Variants in SGK3 observed in about 807,000 individuals in gnomAD.
The protein encoded by SGK3 is serine/threonine-protein kinase Sgk3.
Under a neutral mutation model 68.5 loss-of-function variants are expected in SGK3, and 47 were observed. The ratio of observed to expected loss-of-function variants is 0.69; its 90% confidence interval spans 0.54 to 0.87. The LOEUF (loss-of-function observed/expected upper bound fraction) is 0.87, where lower values mean the gene tolerates loss of function less well. Ranked by LOEUF, SGK3 falls within the 40% of genes least tolerant of loss-of-function variation. The probability of loss-of-function intolerance (pLI) is 0.00; values close to 1 mark genes in which losing one functional copy is unlikely to be tolerated. For missense variants in SGK3, 479 were observed against 575.5 expected (o/e 0.83, Z 1.72); for synonymous variants, 181 against 189.1 (o/e 0.96, Z 0.35).
chr8:66,742,258 A>C (rs1183960305), intron 1 of SGK3, among the ~76,000 whole-genome samples: 1 of 152,052 alleles, frequency 6.6e-6, no homozygotes, highest in African/African-American at 2.4e-5. Context: ...CATTTTTTTT[A>C]TGAAGGTTTA....
At chr8:66,825,344 T>A (rs1343561669) in intron 6 of SGK3, among the ~76,000 whole-genome samples, 1 of 151,336 alleles carries the variant, frequency 6.6e-6, no homozygotes, top group Non-Finnish European at 1.5e-5. Context: ...TTTTTTTTTT[T>A]TTTTGAGACA....
rs552040440 is a variant in SGK3 at position 66,823,825 on chromosome 8, GTAT to G, written c.417+1373_417+1375del. Among the ~76,000 whole-genome samples, 163 of 152,184 alleles carry G rather than the reference GTAT, an allele frequency of 1.1e-3. No homozygotes were observed. The Middle Eastern group carries it at 0.017, about 16-fold the overall frequency. On this transcript the variant is annotated intron_variant, in intron 6 of 16. Transcript: ENST00000521198. ...GTAAATTGTAATAATTTAACTGTAA[GTAT>G]TATTATGTAGCAATTAAATTATTAT...
chr8:66,834,554 C>G (rs1319054930), intron 8 of SGK3, among the ~76,000 whole-genome samples: 1 of 151,980 alleles, frequency 6.6e-6, no homozygotes, highest in Non-Finnish European at 1.5e-5. Context: ...ATTTATTGAG[C>G]TGTAGTGATG....
At chr8:66,846,734 A>G (rs561391217) in intron 14 of SGK3, among the ~76,000 whole-genome samples, 2 of 152,330 alleles carry the variant, frequency 1.3e-5, no homozygotes, top group Admixed American at 1.3e-4. Context: ...GTACAGTCAT[A>G]ATATTATCTC....
intron 16 of SGK3, among the ~76,000 whole-genome samples, 185 bp from the exon 17 acceptor site, chr8:66,859,226 G>A (rs973832185): frequency 1.3e-5 from 2 of 152,090 alleles, no homozygotes; most frequent in Admixed American, 6.6e-5. Flanking sequence ...CCAGCTACTC[G>A]GGAGGGTGAG....
chr8:66,769,528 T>G (rs539017703), intron 1 of SGK3, among the ~76,000 whole-genome samples: 12 of 152,342 alleles, frequency 7.9e-5, no homozygotes, highest in Admixed American at 7.2e-4. Context: ...CCGGCCTTAA[T>G]TCTTTTTTCT....
In SGK3 at chr8:66,850,969, C is replaced by A. The variant is rs765841645; in HGVS notation, c.1320+49C>A. 2.6e-6 allele frequency: 4 copies of A among 1,525,034 alleles called. No individual in the cohort carries two copies. The East Asian group carries it at 9.3e-5, about 36-fold the overall frequency. The allele number at this position is 1,525,034 out of a possible 1,614,324, so 94.5% of individuals were successfully genotyped here. A position where few individuals can be genotyped will look rare whatever the true frequency, so the allele number is the denominator to read the frequency against. ...TTTCTAGAATCGTGAAACTTAATAGCAGTTCATTGTAAGTTTGAAACTAGA... is the reference window on the plus strand; with the variant it reads ...TTTCTAGAATCGTGAAACTTAATAGAAGTTCATTGTAAGTTTGAAACTAGA... On this transcript the variant is annotated intron_variant, in intron 16 of 16. Coordinates refer to ENST00000521198, the MANE Select transcript of SGK3 (RefSeq NM_001033578.3).
intron 1 of SGK3, 137 bp downstream of exon 1, chr8:66,712,970 A>G (rs968308557): frequency 6.6e-6 from 1 of 152,080 alleles, no homozygotes; most frequent in African/African-American, 2.4e-5. Flanking sequence ...ACCTCCGCCC[A>G]GCCCCCGGCT....
intron 3 of SGK3, among the ~76,000 whole-genome samples, chr8:66,799,075 G>A (rs1044347666): frequency 6.6e-6 from 1 of 152,204 alleles, no homozygotes; most frequent in Admixed American, 6.5e-5. Flanking sequence ...ATTGAAATGA[G>A]TGTTGACTTT....
intron 1 of SGK3, among the ~76,000 whole-genome samples, chr8:66,758,575 C>T (rs1338013913): frequency 6.6e-6 from 1 of 151,924 alleles, no homozygotes; most frequent in Non-Finnish European, 1.5e-5. Context: ...TCAGGTCTTA[C>T]AGAGATATGT....
chr8:66,837,077 C>T (rs1193729921), intron 10 of SGK3, among the ~76,000 whole-genome samples: 1 of 152,032 alleles, frequency 6.6e-6, no homozygotes, highest in Non-Finnish European at 1.5e-5. Context: ...ATAATTTTAC[C>T]TTCACAACAA....
In SGK3 at chr8:66,847,208, C is replaced by T. The variant is rs1256492465; in HGVS notation, c.1090C>T (p.Arg364Ter). 8 of 1,603,342 alleles carry T rather than the reference C, an allele frequency of 5.0e-6. No individual in the cohort carries two copies. The highest frequency in any genetic ancestry group is 6.8e-6 in the Non-Finnish European group (8 of 1,176,462). Residue 364 changes from arginine (R) to a stop codon, truncating the protein, a stop_gained, in exon 15 of 17, where the codon CGA becomes TGA. Coordinates refer to ENST00000521198, the MANE Select transcript of SGK3 (RefSeq NM_001033578.3). LOFTEE classifies it high-confidence loss of function. Reference protein sequence around the residue: ...MLYGLPPFYCRDVAEMYDNIL... With the variant: ...MLYGLPPFYC ...TTTTTTCCAGCCTCCTTTTTATTGC[C>T]GAGATGTTGCTGAAATGTATGACAA... is the stretch of plus-strand genomic sequence containing the variant.
At chr8:66,779,996 TTAAG>T (rs1230913973) in intron 1 of SGK3, among the ~76,000 whole-genome samples, 2 of 152,066 alleles carry the variant, frequency 1.3e-5, no homozygotes, top group African/African-American at 4.8e-5. Flanking sequence ...AAAGCCTTAG[TTAAG>T]TGTGTTATCA....
intron 4 of SGK3, among the ~76,000 whole-genome samples, chr8:66,813,228 T>C (rs189562817): frequency 7.5e-4 from 114 of 152,346 alleles, no homozygotes; most frequent in African/African-American, 2.6e-3. Context: ...CACTCCAGCC[T>C]GGGCAACAGA....
At chr8:66,858,777 C>T (rs1810629942) in intron 16 of SGK3, among the ~76,000 whole-genome samples, 1 of 152,046 alleles carries the variant, frequency 6.6e-6, no homozygotes, top group Non-Finnish European at 1.5e-5. Flanking sequence ...ATTATGAGAC[C>T]TTTTTTGCAT....
chr8:66,859,277 G>A, intron 16 of SGK3, 134 bp from the exon 17 acceptor site: 1 of 1,110,678 alleles, frequency 9.0e-7, no homozygotes, highest in East Asian at 2.9e-5. Flanking sequence ...AGGTTGCAGT[G>A]AGCCAAGATC....
chr8:66,813,734 A>G, intron 4 of SGK3, 119 bp from the exon 5 acceptor site: 1 of 686,814 alleles, frequency 1.5e-6, no homozygotes, highest in Non-Finnish European at 2.1e-6. Context: ...AAGTAGCATG[A>G]ATTTAAAAAT....
chr8:66,821,401 A>G (rs1006238385), intron 5 of SGK3, among the ~76,000 whole-genome samples: 3 of 152,144 alleles, frequency 2.0e-5, no homozygotes, highest in African/African-American at 7.2e-5. Flanking sequence ...GGCAGTTACC[A>G]TAGTTGACTT....
At chr8:66,761,170 A>G (rs1004187034) in intron 1 of SGK3, among the ~76,000 whole-genome samples, 2 of 152,282 alleles carry the variant, frequency 1.3e-5, no homozygotes, top group South Asian at 2.1e-4. Flanking sequence ...TAGTAGTACC[A>G]TCATAGCTCA....
Sources: gnomAD v4.1 joint callset for allele counts (sites outside exome capture counted in the v4.1 genomes callset) on GRCh38, gnomAD v4.1.1 for gene constraint, MANE v1.5 for transcripts, NCBI Gene and HGNC (gene_info 2026-07-23, HGNC 2026-07-21) for gene names.